The following LATS2 variants were observed in gnomAD, a reference collection of about 807,000 sequenced individuals.
LATS2 encodes large tumor suppressor kinase 2.
In LATS2, 24 loss-of-function variants were observed where a neutral mutation model predicts 76.0. The observed-to-expected ratio is 0.32, with a 90% CI of 0.23 to 0.44. The LOEUF (loss-of-function observed/expected upper bound fraction) is 0.44, where lower values mean the gene tolerates loss of function less well. LATS2 is among the 20% of genes least tolerant of loss of function. LATS2 has a pLI of 1.00. For missense variants in LATS2, 1,286 were observed against 1,481.2 expected, an observed-to-expected ratio of 0.87 and a Z score of 2.16; for synonymous variants, 692 against 635.4, an observed-to-expected ratio of 1.09 and a Z score of -1.34.
At chr13:21,051,405 T>C (rs182527713) in intron 1 of LATS2, among the ~76,000 whole-genome samples, 40 of 152,308 alleles carry the variant, frequency 2.6e-4, no homozygotes, top group African/African-American at 9.6e-4. Context: ...CAAAGAATTA[T>C]GGGGATCTGA....
chr13:20,987,128 G>A (rs1322822656), intron 4 of LATS2, among the ~76,000 whole-genome samples: 1 of 152,240 alleles, frequency 6.6e-6, no homozygotes, highest in African/African-American at 2.4e-5. Context: ...CCAGGAGGCA[G>A]AGGTTGCAGC....
chr13:21,049,952 C>A (rs767556914), intron 1 of LATS2, among the ~76,000 whole-genome samples: 5 of 152,024 alleles, frequency 3.3e-5, no homozygotes, highest in African/African-American at 4.8e-5. Flanking sequence ...GAAACGCTGT[C>A]TCTACTAAAA....
At position 21,046,104 on chromosome 13, in the gene LATS2, G is replaced by T; in HGVS notation, c.-78C>A. On this transcript the variant is annotated 5_prime_UTR_variant, in exon 2 of 8. Transcript: ENST00000382592. ...TATTTAAAAAAAAAAACTGTCAATAGTATCAGTTTGTTGTAAACATACTTT... is the reference window on the plus strand; with the variant it reads ...TATTTAAAAAAAAAAACTGTCAATATTATCAGTTTGTTGTAAACATACTTT... 1.1e-6 allele frequency: 1 copy of T among 947,910 alleles called. No individual in the cohort carries two copies. Among genetic ancestry groups the T allele is most frequent in the Non-Finnish European group, 1.6e-6 (1 of 637,166 alleles). The allele number at this position is 947,910 out of a possible 1,614,324, so 58.7% of individuals were successfully genotyped here.
chr13:21,043,238 T>A (rs1313389928), intron 2 of LATS2, among the ~76,000 whole-genome samples: 1 of 150,576 alleles, frequency 6.6e-6, no homozygotes, highest in Non-Finnish European at 1.5e-5. Context: ...CATGGGAAGC[T>A]GAGGCAGGAG....
chr13:21,005,571 G>A (rs1871230675), intron 2 of LATS2: 2 of 152,220 alleles, frequency 1.3e-5, no homozygotes, highest in Non-Finnish European at 2.9e-5. Context: ...CTGTCTGCTG[G>A]AGCTCTAGCA....
chr13:21,008,096 G>A (rs545277702), intron 2 of LATS2, among the ~76,000 whole-genome samples: 2 of 152,098 alleles, frequency 1.3e-5, no homozygotes, highest in South Asian at 2.1e-4. Flanking sequence ...TGGCTCCACC[G>A]TGGGGAGCCA....
chr13:21,054,150 T>G (rs537152971), intron 1 of LATS2, among the ~76,000 whole-genome samples: 1 of 152,304 alleles, frequency 6.6e-6, no homozygotes, highest in East Asian at 1.9e-4. Context: ...AATGGCTCCC[T>G]TTTTAAACAT....
In LATS2 at chr13:21,045,853, G is replaced by A. The variant is rs772350192; in HGVS notation, c.174C>T (p.Thr58=). Residue 58 remains threonine (T), a synonymous_variant, in exon 2 of 8, where the codon ACC becomes ACT. Coordinates refer to ENST00000382592, the MANE Select transcript of LATS2 (RefSeq NM_014572.3). ...DAKVLGSKDA[T]RQQQQMRATP... ...TGGCTCTCATCTGCTGCTGCTGCCT[G>A]GTGGCATCTTTGCTCCCCAGGACTT... 2.5e-6 allele frequency: 4 copies of A among 1,614,062 alleles called. No individual in the cohort carries two copies. The highest frequency in any genetic ancestry group is 3.4e-6 in the Non-Finnish European group (4 of 1,180,042).
At chr13:20,978,244 T>C (rs1212326809) in intron 7 of LATS2, among the ~76,000 whole-genome samples, 1 of 152,038 alleles carries the variant, frequency 6.6e-6, no homozygotes, top group Non-Finnish European at 1.5e-5. Flanking sequence ...ATTAAAGTTA[T>C]TAATTTAGGC....
At chr13:20,996,141 C>A (rs994255326) in intron 2 of LATS2, among the ~76,000 whole-genome samples, 1 of 152,172 alleles carries the variant, frequency 6.6e-6, no homozygotes, top group Non-Finnish European at 1.5e-5. Flanking sequence ...CATATGAGCA[C>A]CAGATTTGGC....
intron 2 of LATS2, among the ~76,000 whole-genome samples, chr13:21,016,452 G>A (rs1481628386): frequency 1.3e-5 from 2 of 150,830 alleles, no homozygotes; most frequent in East Asian, 3.9e-4. Context: ...CCTAATTTTT[G>A]TATTTTTAGT....
chr13:20,998,017 C>T (rs1209121646), intron 2 of LATS2, among the ~76,000 whole-genome samples: 3 of 152,128 alleles, frequency 2.0e-5, no homozygotes, highest in African/African-American at 4.8e-5. Context: ...AGCACTCTGG[C>T]CCTATCGTGT....
At chr13:21,057,988 G>C (rs1448695573) in intron 1 of LATS2, among the ~76,000 whole-genome samples, 4 of 152,168 alleles carry the variant, frequency 2.6e-5, no homozygotes, top group Admixed American at 2.6e-4. Flanking sequence ...CATACAATGG[G>C]AACGATGCCC....
rs1870255176 is a variant in LATS2 at position 20,988,151 on chromosome 13, G to A, written c.1629C>T (p.Ser543=). Residue 543 remains serine (S), a synonymous_variant, in exon 4 of 8, where the codon AGC becomes AGT. Transcript: ENST00000382592. ...CGGGCTCGTTGGGGCCCGCACGGAG[G>A]CTCTGCTCCATGCCTGCGCACAGGC... ...LDSLCAGMEQ[S]LRAGPNEPEG... is the part of the protein sequence containing the mutation. 2.5e-6 allele frequency: 4 copies of A among 1,614,140 alleles called. No individual in the cohort carries two copies. In the East Asian group the frequency reaches 8.9e-5, roughly 36 times the overall value.
chr13:21,016,895 C>A (rs1162506676), intron 2 of LATS2, among the ~76,000 whole-genome samples: 1 of 152,188 alleles, frequency 6.6e-6, no homozygotes, highest in African/African-American at 2.4e-5. Context: ...GTTGTTAAGT[C>A]CGGTTCCCCA....
At chr13:21,051,061 G>A (rs1473002478) in intron 1 of LATS2, among the ~76,000 whole-genome samples, 1 of 152,254 alleles carries the variant, frequency 6.6e-6, no homozygotes, top group South Asian at 2.1e-4. Context: ...CTGCCCTCTA[G>A]AAGATGTGTG....
chr13:20,979,888 T>G, intron 6 of LATS2, 91 bp from the exon 7 acceptor site: 1 of 739,860 alleles, frequency 1.4e-6, no homozygotes, highest in Non-Finnish European at 2.3e-6. Flanking sequence ...AGATTTCCTG[T>G]TAAGTGGGAA....
rs1045165303 is a variant in LATS2, at chr13:20,973,510, A to ATC, written c.*1358_*1359dup. 1 of 144,028 alleles carries ATC rather than the reference A, an allele frequency of 6.9e-6. No homozygotes were observed. The highest frequency in any genetic ancestry group is 4.1e-5 in the African/African-American group (1 of 24,218). 8.9% of individuals were successfully genotyped at this position (144,028 alleles called of 1,614,324 possible). Reference sequence around the variant, plus strand: ...ATTTGAAATAAGGAATATTGTGTTTATCTCTGTGTGTGTGTGTGTGTGTGT... The same window carrying ATC: ...ATTTGAAATAAGGAATATTGTGTTTATCTCTCTGTGTGTGTGTGTGTGTGTGT... On this transcript the variant is annotated 3_prime_UTR_variant, in exon 8 of 8. Transcript: ENST00000382592.
chr13:21,026,568 T>C (rs1872318605), intron 2 of LATS2, among the ~76,000 whole-genome samples: 1 of 152,202 alleles, frequency 6.6e-6, no homozygotes, highest in Admixed American at 6.5e-5. Context: ...ACTATAAATA[T>C]TTGTGTACAA....
Sources: allele counts gnomAD v4.1 joint callset (sites outside exome capture counted in the v4.1 genomes callset), GRCh38; gene constraint gnomAD v4.1.1; transcripts MANE v1.5; gene names NCBI Gene and HGNC (gene_info 2026-07-23, HGNC 2026-07-21).